The following FOXO1 variants were observed in gnomAD, a reference collection of about 807,000 sequenced individuals.
FOXO1 encodes the protein forkhead box protein O1.
A neutral mutation model predicts 44.1 loss-of-function variants in FOXO1; 6 were observed. The ratio of observed to expected loss-of-function variants is 0.14; its 90% CI spans 0.07 to 0.27. The LOEUF is 0.27. Among genes scored for constraint, FOXO1 ranks in the 10% least tolerant of loss-of-function variants. The pLI, the probability that FOXO1 is intolerant of heterozygous loss-of-function variation, is 1.00. For missense variants in FOXO1, 737 were observed against 888.8 expected, an observed-to-expected ratio of 0.83 and a Z score of 2.17; for synonymous variants, 380 against 362.7, an observed-to-expected ratio of 1.05 and a Z score of -0.54.
At chr13:40,567,351 T>C (rs1361803566) in intron 1 of FOXO1, among the ~76,000 whole-genome samples, 1 of 152,110 alleles carries the variant, frequency 6.6e-6, no homozygotes, top group Non-Finnish European at 1.5e-5. Flanking sequence ...ACTATGTATT[T>C]TATAGTTTAC....
At chr13:40,566,885 G>A (rs1409816089) in intron 1 of FOXO1, among the ~76,000 whole-genome samples, 1 of 152,112 alleles carries the variant, frequency 6.6e-6, no homozygotes, top group Non-Finnish European at 1.5e-5. Flanking sequence ...ATGATCAAGT[G>A]AACAGAACTA....
At chr13:40,621,699 A>G (rs1876623332) in intron 1 of FOXO1, among the ~76,000 whole-genome samples, 2 of 152,292 alleles carry the variant, frequency 1.3e-5, no homozygotes, top group South Asian at 4.1e-4. Flanking sequence ...AGCAGACTTT[A>G]CTTTCAAGTT....
chr13:40,617,470 G>A (rs1485805920), intron 1 of FOXO1, among the ~76,000 whole-genome samples: 1 of 151,562 alleles, frequency 6.6e-6, no homozygotes, highest in Non-Finnish European at 1.5e-5. Flanking sequence ...AGGTTACTAA[G>A]AATGTTTACT....
intron 1 of FOXO1, among the ~76,000 whole-genome samples, chr13:40,607,100 G>C (rs1165452797): frequency 2.0e-5 from 3 of 152,062 alleles, no homozygotes; most frequent in Non-Finnish European, 4.4e-5. Context: ...CCTCAATCAA[G>C]ACCAGACCCA....
intron 1 of FOXO1, among the ~76,000 whole-genome samples, chr13:40,627,092 C>T (rs1013404733): frequency 9.9e-5 from 15 of 152,186 alleles, no homozygotes; most frequent in Non-Finnish European, 2.2e-4. Flanking sequence ...CTGCAATCAC[C>T]TTTGCTTCTT....
At chr13:40,609,702 T>G (rs930591307) in intron 1 of FOXO1, among the ~76,000 whole-genome samples, 18 of 152,134 alleles carry the variant, frequency 1.2e-4, no homozygotes, top group Non-Finnish European at 1.5e-5. Flanking sequence ...AAGAAATTCT[T>G]CAGGGTGGGG....
At chr13:40,600,699 C>G (rs1287285499) in intron 1 of FOXO1, among the ~76,000 whole-genome samples, 1 of 152,176 alleles carries the variant, frequency 6.6e-6, no homozygotes, top group African/African-American at 2.4e-5. Flanking sequence ...GTTCAGTACT[C>G]TGAAAGAGTT....
At chr13:40,637,508 ACGT>A (rs1877202880) in intron 1 of FOXO1, among the ~76,000 whole-genome samples, 1 of 151,564 alleles carries the variant, frequency 6.6e-6, no homozygotes, top group South Asian at 2.1e-4. Flanking sequence ...CCTCAACCTT[ACGT>A]CTTCCTAGCT....
At chr13:40,561,033 A>C (rs908433654) in intron 1 of FOXO1, among the ~76,000 whole-genome samples, 173 bp from the exon 2 acceptor site, 2 of 152,224 alleles carry the variant, frequency 1.3e-5, no homozygotes, top group African/African-American at 4.8e-5. Flanking sequence ...CAAATAGCAC[A>C]GGAATAAATA....
rs1878222580 is a variant in FOXO1 at position 40,665,875 on chromosome 13, G to C, written c.338C>G (p.Pro113Arg). 6.2e-6 allele frequency: 7 copies of C among 1,137,404 alleles called. No individual in the cohort carries two copies. Among genetic ancestry groups the C allele is most frequent in the Non-Finnish European group, 7.5e-6 (7 of 929,914 alleles). 70.5% of individuals were successfully genotyped at this position (1,137,404 alleles called of 1,614,324 possible). A position where few individuals can be genotyped will look rare whatever the true frequency, so the allele number is the denominator to read the frequency against. ...TGGLCGDFQG[P>R]EAGCLHPAPP... is the part of the protein sequence containing the mutation. ...CGCTGGGTGCAGGCAGCCCGCCTCC[G>C]GGCCCTGGAAGTCCCCGCACAGCCC... is the stretch of plus-strand genomic sequence containing the variant. The change falls in exon 1 of 3, where the codon CCG becomes CGG. Residue 113 changes from proline (P) to arginine (R), a missense_variant. By Grantham distance (103) the Pro-to-Arg change is moderately radical. Around this residue, in one of 7 missense-constraint regions of FOXO1, gnomAD observed 213 missense variants for 236.4 expected, o/e 0.90. Transcript: ENST00000379561.
intron 1 of FOXO1, among the ~76,000 whole-genome samples, chr13:40,609,751 A>G (rs1464561493): frequency 4.6e-5 from 7 of 152,208 alleles, no homozygotes; most frequent in South Asian, 4.1e-4. Context: ...TTTAACCTGG[A>G]GCCCATGGAC....
intron 1 of FOXO1, among the ~76,000 whole-genome samples, chr13:40,639,601 A>G (rs1057368461): frequency 6.6e-6 from 1 of 152,250 alleles, no homozygotes; most frequent in African/African-American, 2.4e-5. Flanking sequence ...AGTGGCCAGC[A>G]CTACTGGTCA....
At chr13:40,571,822 C>T (rs763361897) in intron 1 of FOXO1, among the ~76,000 whole-genome samples, 11 of 152,150 alleles carry the variant, frequency 7.2e-5, no homozygotes, top group Non-Finnish European at 1.0e-4. Context: ...AGCATTATAA[C>T]GCAATTAACT....
At chr13:40,661,197 G>A (rs1878025440) in intron 1 of FOXO1, among the ~76,000 whole-genome samples, 1 of 152,056 alleles carries the variant, frequency 6.6e-6, no homozygotes. Flanking sequence ...GCTACATTTA[G>A]CTGCATAACC....
intron 1 of FOXO1, among the ~76,000 whole-genome samples, chr13:40,642,785 T>G (rs924217488): frequency 2.0e-5 from 3 of 151,962 alleles, no homozygotes; most frequent in Non-Finnish European, 4.4e-5. Context: ...TCTACCATGG[T>G]GGCGTGCACC....
chr13:40,659,341 A>T (rs1207483282), intron 1 of FOXO1, among the ~76,000 whole-genome samples: 1 of 151,630 alleles, frequency 6.6e-6, no homozygotes, highest in Non-Finnish European at 1.5e-5. Context: ...AGAAAAGAAA[A>T]GAAAAGGAAG....
intron 1 of FOXO1, chr13:40,618,893 CA>C (rs1451919609): frequency 1.9e-6 from 1 of 525,878 alleles, no homozygotes; most frequent in East Asian, 5.4e-5. Flanking sequence ...ATGAGAGGAC[CA>C]TAATCTTTTA....
intron 1 of FOXO1, among the ~76,000 whole-genome samples, chr13:40,656,419 T>C (rs1877861977): frequency 6.6e-6 from 1 of 152,240 alleles, no homozygotes. Flanking sequence ...AATAGTAATC[T>C]TTCTTTCTTT....
intron 1 of FOXO1, among the ~76,000 whole-genome samples, chr13:40,570,422 G>A (rs111457036): frequency 2.6e-5 from 4 of 152,220 alleles, no homozygotes; most frequent in African/African-American, 9.6e-5. Context: ...ATGGGACTAC[G>A]GTATTGAGGA....
Sources: allele counts gnomAD v4.1 joint callset (sites outside exome capture counted in the v4.1 genomes callset), GRCh38; gene constraint gnomAD v4.1.1; regional missense constraint gnomAD v4.1.1; transcripts MANE v1.5; gene names NCBI Gene and HGNC (gene_info 2026-07-23, HGNC 2026-07-21).